SHISA6: variants seen among roughly 807,000 people sequenced by gnomAD.
SHISA6 encodes protein shisa-6.
A neutral mutation model predicts 47.9 loss-of-function variants in SHISA6; 22 were observed. That is an observed-to-expected ratio of 0.46 (90% confidence interval 0.33 to 0.66). The LOEUF (loss-of-function observed/expected upper bound fraction) is 0.66, where lower values mean the gene tolerates loss of function less well. SHISA6 is among the 30% of genes least tolerant of loss of function. SHISA6 has a pLI of 0.02. For synonymous variants in SHISA6, 388 were observed against 337.8 expected, an observed-to-expected ratio of 1.15 and a Z score of -1.63; for missense variants, 680 against 764.6, an observed-to-expected ratio of 0.89 and a Z score of 1.30.
intron 2 of SHISA6, among the ~76,000 whole-genome samples, chr17:11,377,770 G>T (rs1912856815): frequency 6.6e-6 from 1 of 152,146 alleles, no homozygotes; most frequent in African/African-American, 2.4e-5. Flanking sequence ...CTAAGGCAGT[G>T]GTTCTCATTT....
intron 2 of SHISA6, among the ~76,000 whole-genome samples, chr17:11,339,428 C>CG (rs1289742732): frequency 6.6e-6 from 1 of 151,532 alleles, no homozygotes; most frequent in South Asian, 2.1e-4. Flanking sequence ...TTCACTACAC[C>CG]CCCCCTCCTT....
intron 3 of SHISA6, chr17:11,380,573 G>C (rs147707790): frequency 6.6e-6 from 1 of 152,332 alleles, no homozygotes; most frequent in Non-Finnish European, 1.5e-5. Context: ...CTGGGCCATA[G>C]TCTATTAACT....
intron 2 of SHISA6, among the ~76,000 whole-genome samples, chr17:11,350,188 T>A (rs1269808353): frequency 1.4e-5 from 2 of 138,256 alleles, no homozygotes; most frequent in Admixed American, 7.4e-5. Context: ...ATTTATTTTT[T>A]TTTTTTTTTG....
intron 2 of SHISA6, among the ~76,000 whole-genome samples, chr17:11,333,744 A>T (rs1470386911): frequency 1.3e-5 from 2 of 152,002 alleles, no homozygotes; most frequent in African/African-American, 4.8e-5. Context: ...CAAACTCCTG[A>T]CCTCAGGTGG....
chr17:11,465,818 C>G (rs1915797031), intron 3 of SHISA6, among the ~76,000 whole-genome samples: 1 of 152,170 alleles, frequency 6.6e-6, no homozygotes, highest in Non-Finnish European at 1.5e-5. Flanking sequence ...CTGCATCTGT[C>G]CCGGGAGCCG....
chr17:11,464,633 G>C (rs72807182), intron 3 of SHISA6, among the ~76,000 whole-genome samples: 17,217 of 152,210 alleles, frequency 0.11, 1,225 homozygotes, highest in Middle Eastern at 0.23. Flanking sequence ...CTCAGGCAAA[G>C]AAAATAATCA....
At chr17:11,275,324 C>T (rs1908849242) in intron 2 of SHISA6, among the ~76,000 whole-genome samples, 1 of 151,726 alleles carries the variant, frequency 6.6e-6, no homozygotes, top group Admixed American at 6.6e-5. Context: ...CTTTTGGGGG[C>T]CTACAGTGAG....
At chr17:11,311,279 C>CAA (rs200852475) in intron 2 of SHISA6, among the ~76,000 whole-genome samples, 5 of 52,414 alleles carry the variant, frequency 9.5e-5, no homozygotes, top group African/African-American at 2.1e-4. Flanking sequence ...AAGACTTCGT[C>CAA]AAAAAAAAAA....
At position 11,562,311 on chromosome 17, in the gene SHISA6, A is replaced by T. The variant is rs2072052021; in HGVS notation, c.*4007A>T. On this transcript the variant is annotated 3_prime_UTR_variant, in exon 6 of 6. Transcript: ENST00000441885. Reference sequence around the variant, plus strand: ...TGTGCACTTGACCCAAGGTAAAATGAAAGGGCTGCCAATCACTCGGACTCC... The same window carrying T: ...TGTGCACTTGACCCAAGGTAAAATGTAAGGGCTGCCAATCACTCGGACTCC... 1 of 152,060 alleles carries T rather than the reference A, an allele frequency of 6.6e-6. No homozygotes were observed. The highest frequency in any genetic ancestry group is 1.5e-5 in the Non-Finnish European group (1 of 68,016). 9.4% of individuals were successfully genotyped at this position (152,060 alleles called of 1,614,324 possible).
At chr17:11,418,781 T>A (rs909661233) in intron 3 of SHISA6, among the ~76,000 whole-genome samples, 5 of 152,216 alleles carry the variant, frequency 3.3e-5, no homozygotes, top group Non-Finnish European at 4.4e-5. Flanking sequence ...ACTGCTGTCA[T>A]CACATTGTTG....
chr17:11,402,239 C>T (rs931419849), intron 3 of SHISA6, among the ~76,000 whole-genome samples: 1 of 152,188 alleles, frequency 6.6e-6, no homozygotes, highest in Non-Finnish European at 1.5e-5. Context: ...AATATATCCT[C>T]CTTAGGAACT....
intron 3 of SHISA6, among the ~76,000 whole-genome samples, chr17:11,403,391 T>C (rs1913844191): frequency 6.6e-6 from 1 of 152,234 alleles, no homozygotes; most frequent in Non-Finnish European, 1.5e-5. Context: ...TCTGATTGCT[T>C]TGTTGATGTA....
At chr17:11,318,553 C>T (rs118062454) in intron 2 of SHISA6, among the ~76,000 whole-genome samples, 1,911 of 152,308 alleles carry the variant, frequency 0.013, 19 homozygotes, top group Middle Eastern at 0.031. Flanking sequence ...CTGGCTTGCA[C>T]TGCTATAACA....
Position 11,542,862 on chromosome 17 carries a change from A to G in SHISA6, c.896-9034A>G, listed in dbSNP as rs546882418. The stretch of plus-strand genomic sequence containing the variant: ...GTGCTTCTAGGACAGCATTTCCAAA[A>G]TGGCTTCAGAGAGACCTGAGGGTTG... On this transcript the variant is annotated intron_variant, in intron 3 of 5. Transcript: ENST00000441885. Among the ~76,000 whole-genome samples the G allele has an allele frequency of 8.5e-5, 13 of 152,152 alleles. No individual in the cohort carries two copies. In the East Asian group the frequency reaches 2.3e-3, roughly 27 times the overall value.
intron 3 of SHISA6, among the ~76,000 whole-genome samples, chr17:11,467,696 ATTAAAGGGCCTCTTC>A (rs1212366403): frequency 1.3e-5 from 2 of 152,132 alleles, no homozygotes; most frequent in Non-Finnish European, 2.9e-5. Flanking sequence ...TACATAAGGG[ATTAAAGGGCCTCTTC>A]TTGTAGCTCC....
At chr17:11,369,033 TAGAA>T (rs1408591937) in intron 2 of SHISA6, among the ~76,000 whole-genome samples, 1 of 152,198 alleles carries the variant, frequency 6.6e-6, no homozygotes, top group Non-Finnish European at 1.5e-5. Context: ...GAAGATAATT[TAGAA>T]AGCATGAATG....
At chr17:11,389,600 A>T (rs116416139) in intron 3 of SHISA6, among the ~76,000 whole-genome samples, 48 of 152,214 alleles carry the variant, frequency 3.2e-4, no homozygotes, top group Admixed American at 9.2e-4. Context: ...TTGGGAGAGG[A>T]GAGAGGGCGG....
intron 3 of SHISA6, among the ~76,000 whole-genome samples, chr17:11,461,891 T>C (rs1007480436): frequency 6.6e-6 from 1 of 152,170 alleles, no homozygotes; most frequent in African/African-American, 2.4e-5. Flanking sequence ...GGGTATTCCC[T>C]CCTAGGTCAG....
At chr17:11,465,090 A>C (rs943786871) in intron 3 of SHISA6, among the ~76,000 whole-genome samples, 1 of 152,188 alleles carries the variant, frequency 6.6e-6, no homozygotes, top group African/African-American at 2.4e-5. Flanking sequence ...CTCTGTCTTC[A>C]GCCACCTGGC....
Sources: allele counts gnomAD v4.1 joint callset (sites outside exome capture counted in the v4.1 genomes callset), GRCh38; gene constraint gnomAD v4.1.1; transcripts MANE v1.5; gene names NCBI Gene and HGNC (gene_info 2026-07-23, HGNC 2026-07-21).